The following KDM4C variants were observed in gnomAD, a reference collection of about 807,000 sequenced individuals.
KDM4C encodes the protein lysine-specific demethylase 4C.
KDM4C carries 81 observed loss-of-function variants against 129.3 expected under a neutral mutation model. That is an observed-to-expected ratio of 0.63 (90% CI 0.52 to 0.75). The LOEUF is 0.75. Among genes scored for constraint, KDM4C ranks in the 30% least tolerant of loss-of-function variants. The pLI is 0.00. For synonymous variants in KDM4C, 573 were observed against 456.1 expected (o/e 1.26, Z -3.26); for missense variants, 1,457 against 1,304.0 (o/e 1.12, Z -1.81).
intron 17 of KDM4C, among the ~76,000 whole-genome samples, chr9:7,066,668 C>T (rs1832464194): frequency 6.6e-6 from 1 of 152,128 alleles, no homozygotes; most frequent in African/African-American, 2.4e-5. Context: ...AATGAAATAT[C>T]TGTGAGTCAT....
At chr9:7,051,153 G>A (rs1442559732) in intron 17 of KDM4C, among the ~76,000 whole-genome samples, 1 of 152,120 alleles carries the variant, frequency 6.6e-6, no homozygotes, top group Non-Finnish European at 1.5e-5. Context: ...TTATATTTAT[G>A]GAAAGTTTCT....
chr9:7,003,017 T>C (rs1329536743), intron 12 of KDM4C, among the ~76,000 whole-genome samples: 1 of 152,132 alleles, frequency 6.6e-6, no homozygotes, highest in African/African-American at 2.4e-5. Context: ...CCTGCCACCA[T>C]TCTCGGCTAA....
chr9:6,775,320 C>T (rs1822779972), intron 1 of KDM4C, among the ~76,000 whole-genome samples: 1 of 151,662 alleles, frequency 6.6e-6, no homozygotes, highest in African/African-American at 2.4e-5. Context: ...CTTGGTGATT[C>T]ATCCATATTC....
At chr9:6,815,604 A>G (rs959002291) in intron 4 of KDM4C, among the ~76,000 whole-genome samples, 18 of 152,196 alleles carry the variant, frequency 1.2e-4, no homozygotes, top group African/African-American at 3.9e-4. Context: ...GTTCACTAGT[A>G]CAGGTTAAGC....
intron 8 of KDM4C, among the ~76,000 whole-genome samples, chr9:6,901,345 G>A (rs1180706956): frequency 6.6e-6 from 1 of 152,212 alleles, no homozygotes; most frequent in African/African-American, 2.4e-5. Context: ...GTGACACACA[G>A]TGGTTTATCT....
At chr9:7,034,435 A>G (rs888075906) in intron 15 of KDM4C, among the ~76,000 whole-genome samples, 1 of 152,222 alleles carries the variant, frequency 6.6e-6, no homozygotes, top group South Asian at 2.1e-4. Flanking sequence ...CAGCATCCAC[A>G]TATGAGTGAG....
In KDM4C at chr9:6,849,436, G is replaced by T; in HGVS notation, c.436-71G>T. ...TAATAATTTTGGTGGATAGTGGTTT[G>T]ATTAGTAAATGCTATCTTTCATGGT... On this transcript the variant is annotated intron_variant, in intron 4 of 21. Transcript: ENST00000381309. 4 of 1,303,494 alleles carry T rather than the reference G, an allele frequency of 3.1e-6. No individual in the cohort carries two copies. In the South Asian group the frequency reaches 5.3e-5, roughly 17 times the overall value. The allele number at this position is 1,303,494 out of a possible 1,614,324, so 80.7% of individuals were successfully genotyped here.
chr9:7,105,447 A>T (rs1220041922), intron 18 of KDM4C: 1 of 470,972 alleles, frequency 2.1e-6, no homozygotes, highest in Non-Finnish European at 4.4e-6. Context: ...TTGTATTGCT[A>T]CTACTACTTC....
At chr9:7,053,342 C>T (rs928651999) in intron 17 of KDM4C, among the ~76,000 whole-genome samples, 8 of 152,110 alleles carry the variant, frequency 5.3e-5, no homozygotes, top group Admixed American at 2.0e-4. Flanking sequence ...AATTTTGTGG[C>T]GGATACAGGA....
At chr9:6,832,783 A>T (rs1275135499) in intron 4 of KDM4C, among the ~76,000 whole-genome samples, 96 of 144,030 alleles carry the variant, frequency 6.7e-4, no homozygotes, top group Middle Eastern at 8.1e-3. Context: ...GCTAGAGTGC[A>T]ATGGTGCAAT....
chr9:6,908,587 G>A (rs1818738049), intron 8 of KDM4C, among the ~76,000 whole-genome samples: 1 of 151,932 alleles, frequency 6.6e-6, no homozygotes, highest in Non-Finnish European at 1.5e-5. Flanking sequence ...CATCCCTGTG[G>A]GACCAGGTGT....
At chr9:7,167,112 G>C (rs1450630310) in intron 20 of KDM4C, among the ~76,000 whole-genome samples, 1 of 152,178 alleles carries the variant, frequency 6.6e-6, no homozygotes, top group Non-Finnish European at 1.5e-5. Flanking sequence ...ATTGACTCCT[G>C]TCTTACAAAT....
intron 15 of KDM4C, among the ~76,000 whole-genome samples, chr9:7,030,163 T>A (rs1323630821): frequency 1.3e-5 from 2 of 152,210 alleles, no homozygotes; most frequent in African/African-American, 4.8e-5. Context: ...TGTATTTCCA[T>A]TTTGCTTTAA....
chr9:6,958,969 A>G (rs1829583595), intron 8 of KDM4C, among the ~76,000 whole-genome samples: 1 of 152,160 alleles, frequency 6.6e-6, no homozygotes, highest in Non-Finnish European at 1.5e-5. Context: ...TTATGATAAT[A>G]TTATTAGAGC....
chr9:7,128,820 T>C (rs1211494882), intron 19 of KDM4C, among the ~76,000 whole-genome samples: 2 of 152,138 alleles, frequency 1.3e-5, no homozygotes, highest in Non-Finnish European at 2.9e-5. Context: ...GTCTTGTTGG[T>C]CTGTCTCCAT....
intron 10 of KDM4C, among the ~76,000 whole-genome samples, chr9:6,984,857 T>C (rs568229180): frequency 1.2e-4 from 18 of 152,222 alleles, no homozygotes; most frequent in Non-Finnish European, 2.5e-4. Flanking sequence ...ATGACATGTA[T>C]AGTCCCCTTG....
chr9:6,839,318 C>G (rs543467909), intron 4 of KDM4C, among the ~76,000 whole-genome samples: 66 of 152,140 alleles, frequency 4.3e-4, no homozygotes, highest in African/African-American at 1.5e-3. Flanking sequence ...CAGCCGTGAC[C>G]TCCTGGGCTC....
rs566624510 is a variant in KDM4C at position 6,739,593 on chromosome 9, G to A, written c.49+18596G>A. ...TTGGTTTTACTCACAGTTTTAGATAGCTAGATAGATAGATATGAGTATATT... is the reference window on the plus strand; with the variant it reads ...TTGGTTTTACTCACAGTTTTAGATAACTAGATAGATAGATATGAGTATATT... On this transcript the variant is annotated intron_variant, in intron 1 of 17. Coordinates refer to the KDM4C transcript ENST00000536108. Among the ~76,000 whole-genome samples the A allele has an allele frequency of 2.0e-5, 3 of 151,366 alleles. No individual in the cohort carries two copies. The South Asian group carries it at 6.3e-4, about 32-fold the overall frequency.
intron 15 of KDM4C, among the ~76,000 whole-genome samples, chr9:7,035,136 C>T (rs990637719): frequency 6.6e-6 from 1 of 151,286 alleles, no homozygotes; most frequent in Non-Finnish European, 1.5e-5. Flanking sequence ...CCTTTGCCTC[C>T]CAAGTAGCTG....
Sources: allele counts gnomAD v4.1 joint callset (sites outside exome capture counted in the v4.1 genomes callset), GRCh38; gene constraint gnomAD v4.1.1; transcripts MANE v1.5; gene names NCBI Gene and HGNC (gene_info 2026-07-23, HGNC 2026-07-21).